Variants in GNAQ observed in about 807,000 individuals in gnomAD.
The protein encoded by GNAQ is G protein subunit alpha q, also known as guanine nucleotide-binding protein G(q) subunit alpha.
Under a neutral mutation model 43.9 loss-of-function variants are expected in GNAQ, and 8 were observed. The observed-to-expected ratio is 0.18, with a 90% confidence interval of 0.11 to 0.33. The LOEUF is 0.33. Among genes scored for constraint, GNAQ ranks in the 10% least tolerant of loss-of-function variants. GNAQ has a pLI of 1.00. For synonymous variants in GNAQ, 155 were observed against 170.7 expected, an observed-to-expected ratio of 0.91 and a Z score of 0.71; for missense variants, 158 against 450.8, an observed-to-expected ratio of 0.35 and a Z score of 5.88.
chr9:77,861,670 T>G (rs1827853952), intron 2 of GNAQ, among the ~76,000 whole-genome samples: 1 of 152,070 alleles, frequency 6.6e-6, no homozygotes, highest in Admixed American at 6.6e-5. Context: ...CAAAATGATC[T>G]CCTTTGACTC....
chr9:77,937,625 G>C (rs1310389000), intron 1 of GNAQ, among the ~76,000 whole-genome samples: 1 of 151,650 alleles, frequency 6.6e-6, no homozygotes. Context: ...GGGCACAGTG[G>C]CTCACGCCTG....
chr9:77,817,673 T>C (rs970466780), intron 2 of GNAQ, among the ~76,000 whole-genome samples: 1 of 152,164 alleles, frequency 6.6e-6, no homozygotes, highest in Non-Finnish European at 1.5e-5. Context: ...AGCACCAAAA[T>C]GTTAAGACAC....
At chr9:77,839,583 C>A (rs935981419) in intron 2 of GNAQ, among the ~76,000 whole-genome samples, 4 of 152,224 alleles carry the variant, frequency 2.6e-5, no homozygotes, top group East Asian at 1.9e-4. Flanking sequence ...CTGAAATCCT[C>A]ATGGCACTGC....
Position 77,717,835 on chromosome 9 carries a change from CT to C in GNAQ, c.*3487del. 1 of 231,634 alleles carries C rather than the reference CT, an allele frequency of 4.3e-6. No homozygotes were observed. Among genetic ancestry groups the C allele is most frequent in the Non-Finnish European group, 8.5e-6 (1 of 117,406 alleles). 14.3% of individuals were successfully genotyped at this position (231,634 alleles called of 1,614,324 possible). A position where few individuals can be genotyped will look rare whatever the true frequency, so the allele number is the denominator to read the frequency against. On this transcript the variant is annotated 3_prime_UTR_variant, in exon 7 of 7. Transcript: ENST00000286548. ...GGTTCTTAAAATTTTTTTTTCCAGT[CT>C]ATTCATGACATTCAACAGAGCTCTT...
intron 2 of GNAQ, among the ~76,000 whole-genome samples, chr9:77,861,516 G>C (rs762399004): frequency 2.6e-5 from 4 of 152,154 alleles, no homozygotes; most frequent in Non-Finnish European, 5.9e-5. Context: ...AAAATCAAAA[G>C]CAAGTTAGTT....
intron 5 of GNAQ, among the ~76,000 whole-genome samples, chr9:77,734,186 T>C (rs1459539895): frequency 6.6e-6 from 1 of 152,210 alleles, no homozygotes; most frequent in Non-Finnish European, 1.5e-5. Context: ...AACTAGAGAT[T>C]TGAGTATCCA....
intron 3 of GNAQ, among the ~76,000 whole-genome samples, chr9:77,809,248 C>A (rs530430147): frequency 3.3e-5 from 5 of 152,274 alleles, no homozygotes; most frequent in African/African-American, 9.6e-5. Flanking sequence ...TTACCCAGCT[C>A]CCTGGAGGGG....
chr9:77,999,204 T>A (rs1823614553), intron 1 of GNAQ, among the ~76,000 whole-genome samples: 1 of 151,970 alleles, frequency 6.6e-6, no homozygotes. Context: ...TTATCCTCTC[T>A]TCTAAAATGC....
intron 5 of GNAQ, among the ~76,000 whole-genome samples, chr9:77,769,082 A>AT (rs1479540024): frequency 6.6e-6 from 1 of 152,196 alleles, no homozygotes; most frequent in Non-Finnish European, 1.5e-5. Flanking sequence ...GTAGCACCTC[A>AT]TGTTAGACAG....
chr9:77,886,956 C>CAA (rs67836669), intron 2 of GNAQ, among the ~76,000 whole-genome samples: 2 of 137,518 alleles, frequency 1.5e-5, no homozygotes, highest in African/African-American at 2.8e-5. Flanking sequence ...TAAAGAAATA[C>CAA]AAAAAAAAAA....
intron 3 of GNAQ, among the ~76,000 whole-genome samples, chr9:77,808,523 G>A (rs1266718774): frequency 6.6e-6 from 1 of 151,810 alleles, no homozygotes. Context: ...CTTCTGAGCT[G>A]GTTAAAGATA....
At chr9:77,802,358 C>T (rs1451764294) in intron 3 of GNAQ, among the ~76,000 whole-genome samples, 1 of 151,934 alleles carries the variant, frequency 6.6e-6, no homozygotes, top group African/African-American at 2.4e-5. Flanking sequence ...ACTTTGTTCC[C>T]CTAGAAATGG....
rs141137272 is a variant in GNAQ at position 77,773,371 on chromosome 9, A to T, written c.735+21092T>A. Among the ~76,000 whole-genome samples, 16 of 152,372 alleles carry T rather than the reference A, an allele frequency of 1.1e-4. No homozygotes were observed. In the East Asian group the frequency reaches 3.1e-3, roughly 29 times the overall value. On this transcript the variant is annotated intron_variant, in intron 5 of 6. Transcript: ENST00000286548. ...GTAATAACAGTACCTTAAAATTGAT[A>T]GTATGAACTATAATTTACTGAACAT...
intron 2 of GNAQ, among the ~76,000 whole-genome samples, chr9:77,839,256 C>T (rs1447102234): frequency 6.6e-6 from 1 of 152,168 alleles, no homozygotes; most frequent in East Asian, 1.9e-4. Flanking sequence ...TCAAGAGCTT[C>T]AATTTTTACA....
intron 2 of GNAQ, 77 bp from the exon 3 acceptor site, chr9:77,815,847 A>G: frequency 1.1e-6 from 1 of 871,826 alleles, no homozygotes; most frequent in Non-Finnish European, 1.8e-6. Flanking sequence ...TACATTATAT[A>G]CAATTCAGGT....
At chr9:77,871,498 T>C (rs1828037779) in intron 2 of GNAQ, among the ~76,000 whole-genome samples, 1 of 152,236 alleles carries the variant, frequency 6.6e-6, no homozygotes, top group Non-Finnish European at 1.5e-5. Flanking sequence ...TTTTGTTTTT[T>C]AGGGGTAGAA....
chr9:77,788,934 T>C (rs912343935), intron 5 of GNAQ, among the ~76,000 whole-genome samples: 3 of 152,208 alleles, frequency 2.0e-5, no homozygotes, highest in African/African-American at 7.2e-5. Context: ...CTTCTCAAGC[T>C]GCAGGAGAAG....
intron 1 of GNAQ, among the ~76,000 whole-genome samples, chr9:77,975,444 G>T (rs1428685762): frequency 1.3e-5 from 2 of 151,636 alleles, no homozygotes; most frequent in African/African-American, 2.4e-5. Flanking sequence ...TACAGATAAG[G>T]AAACAGGTTT....
intron 1 of GNAQ, among the ~76,000 whole-genome samples, chr9:77,973,797 G>A (rs189999880): frequency 3.2e-4 from 49 of 152,222 alleles, no homozygotes; most frequent in Middle Eastern, 6.8e-3. Flanking sequence ...CAGCCTGGGC[G>A]ACAGAGTGAG....
Sources: gnomAD v4.1 joint callset for allele counts (sites outside exome capture counted in the v4.1 genomes callset) on GRCh38, gnomAD v4.1.1 for gene constraint, MANE v1.5 for transcripts, NCBI Gene and HGNC (gene_info 2026-07-23, HGNC 2026-07-21) for gene names.